The following UNC5C variants were observed in gnomAD, a reference collection of about 807,000 sequenced individuals.
UNC5C encodes the protein netrin receptor UNC5C.
In UNC5C, 47 loss-of-function variants were observed where a neutral mutation model predicts 99.8. The observed-to-expected ratio is 0.47, with a 90% CI of 0.37 to 0.60. The LOEUF (loss-of-function observed/expected upper bound fraction) is 0.60, where lower values mean the gene tolerates loss of function less well. Among genes scored for constraint, UNC5C ranks in the 20% least tolerant of loss-of-function variants. The pLI, the probability that UNC5C is intolerant of heterozygous loss-of-function variation, is 0.00. For missense variants in UNC5C, 1,062 were observed against 1,165.9 expected (o/e 0.91, Z 1.30); for synonymous variants, 487 against 452.2 (o/e 1.08, Z -0.98).
chr4:95,346,564 C>T (rs539691339), intron 1 of UNC5C, among the ~76,000 whole-genome samples: 1 of 151,972 alleles, frequency 6.6e-6, no homozygotes, highest in South Asian at 2.1e-4. Flanking sequence ...TTTAACAACA[C>T]ATTAAAAAGA....
At chr4:95,509,156 G>A (rs973236404) in intron 1 of UNC5C, among the ~76,000 whole-genome samples, 4 of 151,666 alleles carry the variant, frequency 2.6e-5, no homozygotes, top group East Asian at 1.9e-4. Context: ...GTTTATTCTC[G>A]ATTATTATCA....
intron 2 of UNC5C, among the ~76,000 whole-genome samples, chr4:95,333,087 G>A (rs4699419): frequency 0.78 from 118,097 of 152,032 alleles, 46,522 homozygotes; most frequent in East Asian, 1. Context: ...GCTAGAGAGG[G>A]TGTGGAGAAA....
chr4:95,472,291 A>G (rs983316702), intron 1 of UNC5C, among the ~76,000 whole-genome samples: 1 of 152,158 alleles, frequency 6.6e-6, no homozygotes, highest in Non-Finnish European at 1.5e-5. Flanking sequence ...TCACATTTCC[A>G]TCATGAGTTT....
chr4:95,210,023 C>T (rs192859035), intron 10 of UNC5C, among the ~76,000 whole-genome samples: 6 of 152,206 alleles, frequency 3.9e-5, no homozygotes, highest in East Asian at 1.9e-4. Context: ...TGTTAGCAGC[C>T]GGTGCTTGAG....
At chr4:95,334,447 A>G (rs924417115) in intron 2 of UNC5C, among the ~76,000 whole-genome samples, 2 of 151,970 alleles carry the variant, frequency 1.3e-5, no homozygotes, top group African/African-American at 2.4e-5. Flanking sequence ...GTTGAATAAT[A>G]AAGTATTAAT....
chr4:95,352,728 T>C (rs1351049852), intron 1 of UNC5C, among the ~76,000 whole-genome samples: 1 of 152,168 alleles, frequency 6.6e-6, no homozygotes, highest in African/African-American at 2.4e-5. Flanking sequence ...TTACAGTGCA[T>C]ACCAGCTCTT....
chr4:95,303,591 G>A (rs1334074604), intron 2 of UNC5C, among the ~76,000 whole-genome samples: 2 of 152,198 alleles, frequency 1.3e-5, no homozygotes, highest in Non-Finnish European at 2.9e-5. Context: ...CAGGAGAATT[G>A]CTTGAACCTT....
intron 1 of UNC5C, among the ~76,000 whole-genome samples, chr4:95,391,479 T>G (rs190288682): frequency 6.6e-6 from 1 of 152,294 alleles, no homozygotes; most frequent in East Asian, 1.9e-4. Context: ...ACAGAAATTA[T>G]GCTGAATAAT....
chr4:95,175,692 C>T (rs552240575), intron 14 of UNC5C, among the ~76,000 whole-genome samples: 1 of 152,266 alleles, frequency 6.6e-6, no homozygotes, highest in South Asian at 2.1e-4. Flanking sequence ...TCCTTCATTT[C>T]AACTTTGGTG....
chr4:95,299,826 A>G lies in UNC5C; in HGVS notation c.490+1780T>C, dbSNP rs115149946. On this transcript the variant is annotated intron_variant, in intron 3 of 15. Transcript: ENST00000453304. ...TCCCACAACACATGGGGATGATTAC[A>G]ATTCAAGGTGAGATTTGGGTGGGAC... 4.9e-3 allele frequency among the ~76,000 whole-genome samples: 749 copies of G among 152,334 alleles called. 7 individuals are homozygous for G. The highest frequency in any genetic ancestry group is 0.017 in the African/African-American group (717 of 41,572).
intron 2 of UNC5C, among the ~76,000 whole-genome samples, chr4:95,323,940 G>A (rs577777155): frequency 1.4e-4 from 21 of 152,258 alleles, no homozygotes; most frequent in African/African-American, 4.8e-4. Context: ...GGAGGCTGAG[G>A]CAGGAGAATC....
At chr4:95,399,537 C>T (rs902376736) in intron 1 of UNC5C, among the ~76,000 whole-genome samples, 11 of 152,160 alleles carry the variant, frequency 7.2e-5, no homozygotes, top group South Asian at 2.1e-4. Context: ...TTCCTATCTC[C>T]CCACTTTTAT....
chr4:95,255,871 T>G (rs1356538143), intron 4 of UNC5C, among the ~76,000 whole-genome samples: 1 of 152,046 alleles, frequency 6.6e-6, no homozygotes, highest in Non-Finnish European at 1.5e-5. Context: ...CTTGGAATAG[T>G]TGTTTACATT....
intron 1 of UNC5C, among the ~76,000 whole-genome samples, chr4:95,413,716 A>C (rs535420824): frequency 1.1e-4 from 17 of 152,326 alleles, no homozygotes; most frequent in African/African-American, 3.1e-4. Context: ...TCTCTCAACT[A>C]GTTGAAACCA....
rs1813074 is a variant in UNC5C, at chr4:95,166,822, G to A, written c.*2412C>T. 5.9e-5 allele frequency: 9 copies of A among 151,886 alleles called. No individual in the cohort carries two copies. The highest frequency in any genetic ancestry group is 9.7e-5 in the African/African-American group (4 of 41,360). 9.4% of individuals were successfully genotyped at this position (151,886 alleles called of 1,614,324 possible). A position where few individuals can be genotyped will look rare whatever the true frequency, so the allele number is the denominator to read the frequency against. ...TTAAAAAATGTGTGTGTATAACTGC[G>A]TGTATATATATTTGATTTTTAATTT... On this transcript the variant is annotated 3_prime_UTR_variant, in exon 16 of 16. Transcript: ENST00000453304.
intron 1 of UNC5C, among the ~76,000 whole-genome samples, chr4:95,366,915 C>T (rs550858983): frequency 3.3e-5 from 5 of 152,250 alleles, no homozygotes; most frequent in Admixed American, 6.5e-5. Flanking sequence ...TTGCTGGCAG[C>T]AGAGGGATAT....
chr4:95,242,185 G>T (rs964706147), intron 7 of UNC5C, among the ~76,000 whole-genome samples: 2 of 152,158 alleles, frequency 1.3e-5, no homozygotes, highest in African/African-American at 4.8e-5. Flanking sequence ...ATAAGTGATA[G>T]AATCAACCCT....
intron 2 of UNC5C, among the ~76,000 whole-genome samples, chr4:95,334,466 A>G: frequency 6.6e-6 from 1 of 152,104 alleles, no homozygotes; most frequent in East Asian, 1.9e-4. Context: ...ATACTTAAAT[A>G]TATGTCAACA....
chr4:95,493,471 T>C (rs952199446), intron 1 of UNC5C, among the ~76,000 whole-genome samples: 1 of 151,478 alleles, frequency 6.6e-6, no homozygotes, highest in South Asian at 2.1e-4. Flanking sequence ...GAGAATTTTC[T>C]GAATATTTTT....
Sources: allele counts gnomAD v4.1 joint callset (sites outside exome capture counted in the v4.1 genomes callset), GRCh38; gene constraint gnomAD v4.1.1; transcripts MANE v1.5; gene names NCBI Gene and HGNC (gene_info 2026-07-23, HGNC 2026-07-21).